WDR11: variants seen among roughly 807,000 people sequenced by gnomAD.
WDR11 encodes WD repeat-containing protein 11.
A neutral mutation model predicts 151.2 loss-of-function variants in WDR11; 83 were observed. That is an observed-to-expected ratio of 0.55 (90% CI 0.46 to 0.66). The LOEUF (loss-of-function observed/expected upper bound fraction) is 0.66. Among genes scored for constraint, WDR11 ranks in the 30% least tolerant of loss-of-function variants. The probability of loss-of-function intolerance (pLI) is 0.00; values close to 1 mark genes in which losing one functional copy is unlikely to be tolerated. For synonymous variants in WDR11, 484 were observed against 533.1 expected (o/e 0.91, Z 1.27); for missense variants, 1,301 against 1,480.9 (o/e 0.88, Z 1.99).
In WDR11 at chr10:120,856,294, G is replaced by A. The variant is rs539947376; in HGVS notation, c.199-2349G>A. On this transcript the variant is annotated intron_variant, in intron 2 of 28. Transcript: ENST00000263461. ...GTACTTTACAAATATCATTCCATTG[G>A]CCAGGCATGGTGGCTCACACCTGTA... 5.9e-5 allele frequency among the ~76,000 whole-genome samples: 9 copies of A among 151,830 alleles called. No individual in the cohort carries two copies. In the East Asian group the frequency reaches 1.7e-3, roughly 29 times the overall value.
At chr10:120,859,272 C>CTTTTTTTTTTTT (rs35233163) in intron 3 of WDR11, among the ~76,000 whole-genome samples, 1 of 128,872 alleles carries the variant, frequency 7.8e-6, no homozygotes, top group Non-Finnish European at 1.6e-5. Flanking sequence ...TTTTTTTTTT[C>CTTTTTTTTTTTT]TTTTTTTTTT....
At chr10:120,901,168 A>G (rs983734528) in intron 21 of WDR11, 70 bp downstream of exon 21, 3 of 1,308,468 alleles carry the variant, frequency 2.3e-6, no homozygotes, top group Admixed American at 3.4e-5. Context: ...TTTAAATGCA[A>G]TTCAAAATTA....
At chr10:120,866,890 G>A (rs1011214604) in intron 8 of WDR11, 126 bp downstream of exon 8, 1 of 1,180,808 alleles carries the variant, frequency 8.5e-7, no homozygotes, top group African/African-American at 1.5e-5. Flanking sequence ...AATAATTAAG[G>A]CTTTAGATTA....
At chr10:120,885,698 C>G (rs1007288537) in intron 14 of WDR11, 116 bp from the exon 15 acceptor site, 1 of 1,303,462 alleles carries the variant, frequency 7.7e-7, no homozygotes, top group African/African-American at 1.5e-5. Flanking sequence ...AATGTGGATT[C>G]ATGTGTAGTA....
chr10:120,874,179 T>TG, intron 11 of WDR11, among the ~76,000 whole-genome samples: 1 of 54,180 alleles, frequency 1.8e-5, no homozygotes, highest in East Asian at 5.1e-4. Context: ...TTTTGCAGTT[T>TG]TTTTTTTTTT....
At chr10:120,885,705 A>G in intron 14 of WDR11, 109 bp from the exon 15 acceptor site, 1 of 1,341,416 alleles carries the variant, frequency 7.5e-7, no homozygotes, top group Non-Finnish European at 1.1e-6. Context: ...ATTCATGTGT[A>G]GTAATAATAA....
intron 22 of WDR11, 110 bp downstream of exon 22, chr10:120,902,432 A>C: frequency 1.1e-6 from 1 of 876,300 alleles, no homozygotes. Context: ...GTATCAGTTC[A>C]TCCTTTAGAT....
At chr10:120,905,624 G>A (rs1448649792) in intron 26 of WDR11, 12 of 794,426 alleles carry the variant, frequency 1.5e-5, no homozygotes, top group East Asian at 2.7e-5. Flanking sequence ...TAGCAATTAA[G>A]TAAAAGCAGC....
intron 3 of WDR11, 136 bp from the exon 4 acceptor site, chr10:120,859,973 A>G (rs1482901846): frequency 1.1e-6 from 1 of 893,408 alleles, no homozygotes; most frequent in African/African-American, 1.7e-5. Flanking sequence ...ACACACACAC[A>G]CACACGTCAC....
chr10:120,902,942 A>G (rs1016006689), intron 22 of WDR11, 113 bp from the exon 23 acceptor site: 1 of 1,109,956 alleles, frequency 9.0e-7, no homozygotes, highest in African/African-American at 1.5e-5. Flanking sequence ...GCCCCATGCC[A>G]GTATCCCAGT....
intron 9 of WDR11, among the ~76,000 whole-genome samples, chr10:120,869,908 G>C (rs1846472899): frequency 6.6e-6 from 1 of 152,086 alleles, no homozygotes; most frequent in Admixed American, 6.5e-5. Context: ...TCCTGCCTCA[G>C]CCCCATGAGT....
intron 13 of WDR11, among the ~76,000 whole-genome samples, chr10:120,882,467 G>T (rs1331122836): frequency 6.6e-6 from 1 of 150,756 alleles, no homozygotes; most frequent in African/African-American, 2.4e-5. Context: ...CTTACTAAAT[G>T]GGAAAAATTT....
Position 120,905,947 on chromosome 10 carries a change from C to G in WDR11, c.3363C>G (p.Val1121=), listed in dbSNP as rs3740307. 216,372 of 1,614,054 alleles carry G rather than the reference C, an allele frequency of 0.13. 17,336 individuals carry two copies. The highest frequency in any genetic ancestry group is 0.32 in the East Asian group (14,425 of 44,854). ...RWVDHLCSPQ[V]NQKSKALLVL... The stretch of plus-strand genomic sequence containing the variant: ...TTGACCACCTTTGTTCTCCACAAGT[C>G]AATCAGAAATCAAAGGCTCTCCTGG... Residue 1121 remains valine, a synonymous_variant, in exon 27 of 29, where the codon GTC becomes GTG. Transcript: ENST00000263461.
At chr10:120,882,475 T>A (rs1205849553) in intron 13 of WDR11, among the ~76,000 whole-genome samples, 1 of 151,824 alleles carries the variant, frequency 6.6e-6, no homozygotes, top group East Asian at 1.9e-4. Flanking sequence ...ATGGGAAAAA[T>A]TTATTAGGAA....
intron 11 of WDR11, among the ~76,000 whole-genome samples, chr10:120,875,613 T>C (rs138447492): frequency 2.4e-3 from 364 of 152,280 alleles, no homozygotes; most frequent in African/African-American, 8.3e-3. Flanking sequence ...CAGGTGATTC[T>C]TATGCCTCAG....
chr10:120,895,058 A>T (rs1254704936), intron 19 of WDR11, among the ~76,000 whole-genome samples: 1 of 152,156 alleles, frequency 6.6e-6, no homozygotes, highest in Non-Finnish European at 1.5e-5. Context: ...AGACTTGGTA[A>T]ATGTTGTCTT....
chr10:120,884,771 C>T (rs1003456450), intron 14 of WDR11, among the ~76,000 whole-genome samples: 1 of 151,930 alleles, frequency 6.6e-6, no homozygotes, highest in Non-Finnish European at 1.5e-5. Context: ...AGCGGGAACC[C>T]TAGTGAGAAA....
chr10:120,906,520 A>AT, intron 27 of WDR11: 1 of 1,353,164 alleles, frequency 7.4e-7, no homozygotes, highest in South Asian at 1.6e-5. Context: ...GGCACTTGTC[A>AT]TATCTCTGTA....
chr10:120,860,844 T>C (rs1846113137), intron 4 of WDR11, among the ~76,000 whole-genome samples: 1 of 152,230 alleles, frequency 6.6e-6, no homozygotes, highest in African/African-American at 2.4e-5. Flanking sequence ...CTAAATTGTT[T>C]AGAAACTATT....
Sources: allele counts gnomAD v4.1 joint callset (sites outside exome capture counted in the v4.1 genomes callset), GRCh38; gene constraint gnomAD v4.1.1; transcripts MANE v1.5; gene names NCBI Gene and HGNC (gene_info 2026-07-23, HGNC 2026-07-21).